Variants in STK32B observed in about 807,000 individuals in gnomAD.
STK32B encodes serine/threonine kinase 32B.
Under a neutral mutation model 52.6 loss-of-function variants are expected in STK32B, and 43 were observed. The ratio of observed to expected loss-of-function variants is 0.82; its 90% CI spans 0.64 to 1.05. The LOEUF is 1.05. Among genes scored for constraint, STK32B ranks in the 50% least tolerant of loss-of-function variants. The pLI is 0.00. For synonymous variants in STK32B, 238 were observed against 204.3 expected (o/e 1.17, Z -1.41); for missense variants, 621 against 534.6 (o/e 1.16, Z -1.59).
intron 4 of STK32B, among the ~76,000 whole-genome samples, chr4:5,392,983 G>A (rs1369300826): frequency 6.6e-6 from 1 of 152,208 alleles, no homozygotes; most frequent in East Asian, 1.9e-4. Flanking sequence ...TGTTTAATGA[G>A]TAGAGATGAT....
intron 1 of STK32B, among the ~76,000 whole-genome samples, chr4:5,070,120 C>T (rs767399599): frequency 1.3e-5 from 2 of 152,154 alleles, no homozygotes; most frequent in African/African-American, 2.4e-5. Flanking sequence ...AGCTGTCAGG[C>T]GGTTCTTTCT....
At chr4:5,377,928 A>C (rs2109020215) in intron 4 of STK32B, among the ~76,000 whole-genome samples, 1 of 152,328 alleles carries the variant, frequency 6.6e-6, no homozygotes. Flanking sequence ...GACTAATACA[A>C]CCATAAAAAA....
At chr4:5,191,099 C>A (rs1231496210) in intron 3 of STK32B, among the ~76,000 whole-genome samples, 1 of 152,110 alleles carries the variant, frequency 6.6e-6, no homozygotes, top group African/African-American at 2.4e-5. Flanking sequence ...CCTTCTCTGG[C>A]CCTCTGTTTT....
intron 4 of STK32B, among the ~76,000 whole-genome samples, chr4:5,347,224 T>A (rs1024081261): frequency 3.3e-5 from 5 of 152,216 alleles, no homozygotes; most frequent in African/African-American, 1.2e-4. Flanking sequence ...TGGATTCAGC[T>A]AAGAACAGAG....
At chr4:5,056,779 A>G (rs1742022969) in intron 1 of STK32B, among the ~76,000 whole-genome samples, 2 of 152,202 alleles carry the variant, frequency 1.3e-5, no homozygotes, top group African/African-American at 2.4e-5. Context: ...TCACATGCCC[A>G]CTTTTGGATT....
intron 1 of STK32B, among the ~76,000 whole-genome samples, chr4:5,085,175 T>C (rs1396537190): frequency 6.6e-6 from 1 of 152,226 alleles, no homozygotes; most frequent in East Asian, 1.9e-4. Context: ...TGGAAATTAC[T>C]CGTTGGAAAT....
intron 1 of STK32B, among the ~76,000 whole-genome samples, chr4:5,064,278 T>C (rs1742325565): frequency 6.9e-6 from 1 of 145,608 alleles, no homozygotes; most frequent in African/African-American, 2.5e-5. Flanking sequence ...ATGATATATA[T>C]TTATTATATA....
chr4:5,260,893 G>T (rs770276063), intron 3 of STK32B, among the ~76,000 whole-genome samples: 18 of 152,176 alleles, frequency 1.2e-4, no homozygotes, highest in Admixed American at 3.3e-4. Flanking sequence ...TGCAGTCTCA[G>T]TGAGGCTTCA....
At chr4:5,117,241 G>C (rs1267829281) in intron 1 of STK32B, among the ~76,000 whole-genome samples, 1 of 152,148 alleles carries the variant, frequency 6.6e-6, no homozygotes, top group African/African-American at 2.4e-5. Flanking sequence ...AGAGCCTTCA[G>C]CTTTTCATCA....
At chr4:5,100,412 C>T (rs1257885853) in intron 1 of STK32B, among the ~76,000 whole-genome samples, 4 of 137,222 alleles carry the variant, frequency 2.9e-5, no homozygotes, top group Non-Finnish European at 4.5e-5. Flanking sequence ...CTTCCTCCCT[C>T]CCTCCTTGCC....
At chr4:5,195,544 T>C (rs1721577737) in intron 3 of STK32B, among the ~76,000 whole-genome samples, 1 of 152,066 alleles carries the variant, frequency 6.6e-6, no homozygotes, top group Non-Finnish European at 1.5e-5. Context: ...AATATAAAAA[T>C]TACCCAAGCA....
intron 3 of STK32B, among the ~76,000 whole-genome samples, chr4:5,223,457 C>T (rs1267691940): frequency 6.6e-6 from 1 of 152,064 alleles, no homozygotes; most frequent in Non-Finnish European, 1.5e-5. Context: ...TTGTGCCCAG[C>T]AAAGCTATGG....
At chr4:5,455,451 C>T (rs775891477) in intron 7 of STK32B, among the ~76,000 whole-genome samples, 4 of 152,202 alleles carry the variant, frequency 2.6e-5, no homozygotes, top group South Asian at 2.1e-4. Context: ...CCTCCCCTGG[C>T]GGGGTTTTCA....
At chr4:5,165,181 C>T (rs1718774028) in intron 2 of STK32B, among the ~76,000 whole-genome samples, 1 of 152,212 alleles carries the variant, frequency 6.6e-6, no homozygotes, top group Admixed American at 6.5e-5. Flanking sequence ...GCCAGCCACA[C>T]TCAGGTCTCT....
At chr4:5,448,922 C>T (rs974090809) in intron 7 of STK32B, among the ~76,000 whole-genome samples, 1 of 152,058 alleles carries the variant, frequency 6.6e-6, no homozygotes, top group African/African-American at 2.4e-5. Flanking sequence ...CTGAAAAACA[C>T]TCATATTTAT....
At chr4:5,177,687 A>T (rs1266127032) in intron 3 of STK32B, among the ~76,000 whole-genome samples, 1 of 152,262 alleles carries the variant, frequency 6.6e-6, no homozygotes, top group African/African-American at 2.4e-5. Context: ...GGGTACAGGT[A>T]TTAGGTAAAT....
intron 11 of STK32B, among the ~76,000 whole-genome samples, chr4:5,498,440 T>C (rs1406245356): frequency 6.6e-6 from 1 of 152,192 alleles, no homozygotes; most frequent in Non-Finnish European, 1.5e-5. Context: ...TTAGTGCCTG[T>C]CTCCCCTTTT....
intron 3 of STK32B, among the ~76,000 whole-genome samples, chr4:5,321,187 G>A (rs1425410247): frequency 1.3e-5 from 2 of 152,052 alleles, no homozygotes; most frequent in Non-Finnish European, 2.9e-5. Context: ...CCATAATAAT[G>A]CCTACACCAA....
In STK32B at chr4:5,332,773, T is replaced by G. The variant is rs564875834; in HGVS notation, c.434+1380T>G. On this transcript the variant is annotated intron_variant, in intron 4 of 11. Transcript: ENST00000282908. ...TTGGTTTTTTGTCCTTGCCATAGTT[T>G]ACTGAGAATGATGATTTCCAATTTC... Among the ~76,000 whole-genome samples the G allele has an allele frequency of 2.6e-5, 4 of 152,310 alleles. No homozygotes were observed. In the South Asian group the frequency reaches 6.2e-4, roughly 24 times the overall value.
Sources: gnomAD v4.1 joint callset for allele counts (sites outside exome capture counted in the v4.1 genomes callset) on GRCh38, gnomAD v4.1.1 for gene constraint, MANE v1.5 for transcripts, NCBI Gene and HGNC (gene_info 2026-07-23, HGNC 2026-07-21) for gene names.